Variants in DPYD observed in about 807,000 individuals in gnomAD.
The protein encoded by DPYD is dihydropyrimidine dehydrogenase [NADP(+)].
In DPYD, 109 loss-of-function variants were observed where a neutral mutation model predicts 116.2. The observed-to-expected ratio is 0.94, with a 90% CI of 0.80 to 1.10. DPYD has a LOEUF of 1.10. Among genes scored for constraint, DPYD ranks in the 50% least tolerant of loss-of-function variants. DPYD has a pLI of 0.00. For synonymous variants in DPYD, 440 were observed against 432.0 expected (o/e 1.02, Z -0.23); for missense variants, 1,302 against 1,254.5 (o/e 1.04, Z -0.57).
At chr1:97,704,581 G>A (rs1661797709) in intron 5 of DPYD, among the ~76,000 whole-genome samples, 1 of 151,848 alleles carries the variant, frequency 6.6e-6, no homozygotes, top group Non-Finnish European at 1.5e-5. Flanking sequence ...AGTCTTCAGA[G>A]AAGTGCAACA....
chr1:97,915,478 A>C (rs1312261423), intron 1 of DPYD, among the ~76,000 whole-genome samples: 1 of 152,138 alleles, frequency 6.6e-6, no homozygotes, highest in Non-Finnish European at 1.5e-5. Context: ...AACCACAGGA[A>C]AGACATAATC....
At chr1:97,702,732 C>A (rs768749511) in intron 5 of DPYD, among the ~76,000 whole-genome samples, 1 of 151,834 alleles carries the variant, frequency 6.6e-6, no homozygotes, top group African/African-American at 2.4e-5. Flanking sequence ...TGAACAAATT[C>A]TAGCTAATGG....
chr1:97,586,532 A>T (rs1320105427), intron 10 of DPYD, among the ~76,000 whole-genome samples: 1 of 139,112 alleles, frequency 7.2e-6, no homozygotes, highest in Non-Finnish European at 1.5e-5. Context: ...TGTGAAAAAA[A>T]TATATATAGA....
intron 13 of DPYD, among the ~76,000 whole-genome samples, chr1:97,512,124 T>A (rs375340258): frequency 2.0e-5 from 3 of 152,070 alleles, no homozygotes; most frequent in African/African-American, 7.2e-5. Context: ...TGTATTCATT[T>A]ATCCAGCGAA....
chr1:97,690,019 T>C (rs925002437), intron 7 of DPYD, among the ~76,000 whole-genome samples: 3 of 152,066 alleles, frequency 2.0e-5, no homozygotes, highest in Admixed American at 6.6e-5. Context: ...GATTCACAGT[T>C]TAAAATTCAA....
At chr1:97,630,765 A>C (rs1657211204) in intron 8 of DPYD, among the ~76,000 whole-genome samples, 1 of 152,142 alleles carries the variant, frequency 6.6e-6, no homozygotes, top group Non-Finnish European at 1.5e-5. Flanking sequence ...ACTTATTAAT[A>C]AAAGATAAGT....
intron 19 of DPYD, among the ~76,000 whole-genome samples, chr1:97,234,028 T>C (rs755122414): frequency 7.2e-5 from 11 of 152,206 alleles, no homozygotes; most frequent in Admixed American, 2.0e-4. Flanking sequence ...CCAGAGAATA[T>C]GTGATGCCAA....
chr1:97,284,590 A>G (rs1665541580), intron 18 of DPYD, among the ~76,000 whole-genome samples: 1 of 152,186 alleles, frequency 6.6e-6, no homozygotes, highest in Non-Finnish European at 1.5e-5. Flanking sequence ...ATTGCTAGTC[A>G]ATTTTTTAAA....
chr1:97,691,734 T>A lies in DPYD; in HGVS notation c.745A>T (p.Lys249Ter). The A allele has an allele frequency of 6.2e-7, 1 of 1,613,732 alleles. No homozygotes were observed. The highest frequency in any genetic ancestry group is 8.5e-7 in the Non-Finnish European group (1 of 1,179,744). Reference sequence around the variant, plus strand: ...TCATTTACCTTTACACCAAGGTCCTTCATTAGCTCAATCTCAAAATTCACT... The same window carrying A: ...TCATTTACCTTTACACCAAGGTCCTACATTAGCTCAATCTCAAAATTCACT... The part of the protein sequence containing the change: ...DVVNFEIELM[K>*]DLGVKIICGK... Residue 249 changes from lysine (K) to a stop codon, truncating the protein, a stop_gained, in exon 7 of 23, where the codon AAG becomes TAG. Coordinates refer to ENST00000370192, the MANE Select transcript of DPYD (RefSeq NM_000110.4). LOFTEE classifies it high-confidence loss of function.
chr1:97,432,859 G>A (rs1012824878), intron 14 of DPYD, among the ~76,000 whole-genome samples: 2 of 152,066 alleles, frequency 1.3e-5, no homozygotes, highest in African/African-American at 2.4e-5. Context: ...CAAATGTGTC[G>A]AGAGCAGAAC....
At chr1:97,482,271 G>A (rs1678365168) in intron 13 of DPYD, among the ~76,000 whole-genome samples, 1 of 152,132 alleles carries the variant, frequency 6.6e-6, no homozygotes, top group South Asian at 2.1e-4. Context: ...CTCCTTTAAA[G>A]TGGTGTTATC....
At chr1:97,881,874 G>A (rs1195793625) in intron 2 of DPYD, among the ~76,000 whole-genome samples, 5 of 151,636 alleles carry the variant, frequency 3.3e-5, no homozygotes, top group Admixed American at 6.6e-5. Context: ...GGTGGGGGGT[G>A]GAGGGATAGC....
At chr1:97,389,049 C>T (rs1232083674) in intron 14 of DPYD, among the ~76,000 whole-genome samples, 1 of 152,002 alleles carries the variant, frequency 6.6e-6, no homozygotes, top group East Asian at 1.9e-4. Flanking sequence ...TTGGTGTCTA[C>T]ATTTTCTTTA....
intron 20 of DPYD, among the ~76,000 whole-genome samples, chr1:97,161,480 T>A (rs538193783): frequency 1.3e-5 from 2 of 152,176 alleles, no homozygotes; most frequent in East Asian, 1.9e-4. Flanking sequence ...TCTAAGCCAA[T>A]CAACAAACAG....
At chr1:97,741,651 C>T (rs773660906) in intron 3 of DPYD, among the ~76,000 whole-genome samples, 26 of 152,026 alleles carry the variant, frequency 1.7e-4, no homozygotes, top group Non-Finnish European at 2.8e-4. Flanking sequence ...TTTAATAATC[C>T]TCCATTACAT....
At chr1:97,359,841 C>T (rs1326194027) in intron 16 of DPYD, among the ~76,000 whole-genome samples, 1 of 152,148 alleles carries the variant, frequency 6.6e-6, no homozygotes, top group African/African-American at 2.4e-5. Flanking sequence ...CCAGTACCAG[C>T]CACTGCAAAA....
chr1:97,779,716 T>C (rs1666626633), intron 3 of DPYD, among the ~76,000 whole-genome samples: 1 of 152,138 alleles, frequency 6.6e-6, no homozygotes, highest in African/African-American at 2.4e-5. Context: ...GGCGTGCATT[T>C]TGTACAGTAT....
chr1:97,724,451 C>A (rs1297711799), intron 4 of DPYD, among the ~76,000 whole-genome samples: 1 of 151,146 alleles, frequency 6.6e-6, no homozygotes, highest in Non-Finnish European at 1.5e-5. Flanking sequence ...GCTGGAGACA[C>A]AGAAGAGCCA....
At chr1:97,588,421 A>T (rs1185452800) in intron 10 of DPYD, among the ~76,000 whole-genome samples, 1 of 152,288 alleles carries the variant, frequency 6.6e-6, no homozygotes, top group African/African-American at 2.4e-5. Context: ...ATTAATAAGA[A>T]ATATAAAGTC....
Sources: allele counts gnomAD v4.1 joint callset (sites outside exome capture counted in the v4.1 genomes callset), GRCh38; gene constraint gnomAD v4.1.1; transcripts MANE v1.5; gene names NCBI Gene and HGNC (gene_info 2026-07-23, HGNC 2026-07-21).